Variants in RAB33A observed in about 807,000 individuals in gnomAD.
RAB33A encodes the protein RAB33A, member RAS oncogene family, also known as ras-related protein Rab-33A.
In RAB33A, 6 loss-of-function variants were observed where a neutral mutation model predicts 12.0. The ratio of observed to expected loss-of-function variants is 0.50; its 90% CI spans 0.27 to 0.99. The LOEUF is 0.99. Ranked by LOEUF, RAB33A falls within the 50% of genes least tolerant of loss-of-function variation. The probability of loss-of-function intolerance (pLI) is 0.11; values close to 1 mark genes in which losing one functional copy is unlikely to be tolerated. For missense variants in RAB33A, 109 were observed against 192.0 expected (o/e 0.57, Z 2.55); for synonymous variants, 70 against 82.4 (o/e 0.85, Z 0.81).
the RAB33A span, among the ~76,000 whole-genome samples, chrX:130,111,799 T>C: frequency 7.1e-5 from 8 of 112,325 alleles, no homozygotes; most frequent in African/African-American, 1.9e-4. Context: ...GCTCCCCTTC[T>C]ATCTCCCCTT....
chrX:130,133,467 A>G, the RAB33A span: 1 of 1,210,563 alleles, frequency 8.3e-7, no homozygotes, highest in Middle Eastern at 2.3e-4. Flanking sequence ...TGTGGAAACA[A>G]ATACATAACA....
At chrX:130,113,427 ATTT>A in the RAB33A span, among the ~76,000 whole-genome samples, 4 of 54,632 alleles carry the variant, frequency 7.3e-5, no homozygotes, top group East Asian at 2.8e-3. Context: ...TTTAGTTTAG[ATTT>A]TTTTTTTTTT....
chrX:130,166,515 T>TA, the RAB33A span, among the ~76,000 whole-genome samples: 24 of 112,202 alleles, frequency 2.1e-4, no homozygotes, highest in African/African-American at 7.1e-4. Flanking sequence ...AACTTTCAGT[T>TA]ATGGGAGTAG....
chrX:130,129,647 C>T, the RAB33A span: 2 of 1,188,723 alleles, frequency 1.7e-6, no homozygotes, highest in African/African-American at 3.5e-5. Flanking sequence ...GAGAGAGTAA[C>T]AATAGGTCCC....
At chrX:130,151,618 G>A in the RAB33A span, among the ~76,000 whole-genome samples, 3 of 112,096 alleles carry the variant, frequency 2.7e-5, no homozygotes, top group African/African-American at 9.7e-5. Context: ...GTTACTCCTT[G>A]AATTTACTAC....
the RAB33A span, among the ~76,000 whole-genome samples, chrX:130,135,428 CTT>C: frequency 3.2e-3 from 177 of 54,681 alleles, no homozygotes; most frequent in African/African-American, 9.4e-3. Context: ...TCCAGTACAT[CTT>C]TTTTTTTTTA....
the RAB33A span, among the ~76,000 whole-genome samples, chrX:130,119,280 A>T: frequency 1.8e-5 from 2 of 111,342 alleles, no homozygotes; most frequent in East Asian, 5.7e-4. Context: ...CTGCAGCCTT[A>T]ACTTGGGGTT....
chrX:130,162,215 T>G, the RAB33A span, among the ~76,000 whole-genome samples: 2 of 111,981 alleles, frequency 1.8e-5, no homozygotes, highest in Non-Finnish European at 3.8e-5. Flanking sequence ...ATTCTGAATA[T>G]GAGAAAATGA....
chrX:130,134,313 T>A, the RAB33A span, among the ~76,000 whole-genome samples: 1 of 111,611 alleles, frequency 9.0e-6, no homozygotes, highest in East Asian at 2.8e-4. Flanking sequence ...TTTACTTATG[T>A]CTACTTCCTG....
At chrX:130,182,157 AAT>A (rs1300343120) in intron 1 of RAB33A, among the ~76,000 whole-genome samples, 450 of 44,586 alleles carry the variant, frequency 0.01, 3 homozygotes, top group South Asian at 0.015. Flanking sequence ...AAAAAAAAAA[AAT>A]ATATATATAT....
the RAB33A span, among the ~76,000 whole-genome samples, chrX:130,157,431 T>C: frequency 8.9e-6 from 1 of 112,037 alleles, no homozygotes; most frequent in Admixed American, 9.5e-5. Context: ...CTCGTGTTTG[T>C]TGACTATCAA....
chrX:130,143,887 A>T, the RAB33A span, among the ~76,000 whole-genome samples: 1 of 111,206 alleles, frequency 9.0e-6, no homozygotes, highest in African/African-American at 3.3e-5. Flanking sequence ...GATGTTATTA[A>T]TAGCTTAGGC....
the RAB33A span, among the ~76,000 whole-genome samples, chrX:130,135,439 T>TTTAAAA: frequency 8.2e-5 from 6 of 72,941 alleles, no homozygotes; most frequent in African/African-American, 3.0e-4. Context: ...TTTTTTTTTT[T>TTTAAAA]AAAAAAAAAA....
intron 1 of RAB33A, among the ~76,000 whole-genome samples, chrX:130,180,533 C>T (rs1156565202): frequency 9.0e-6 from 1 of 111,290 alleles, no homozygotes; most frequent in Admixed American, 9.5e-5. Flanking sequence ...CGGCTCACTG[C>T]AAGCTCCGTC....
Position 130,184,705 on chromosome X carries a change from C to A in RAB33A, c.679C>A (p.Gln227Lys), listed in dbSNP as rs1182665205. 8.3e-7 allele frequency: 1 copy of A among 1,211,376 alleles called. No homozygotes were observed. The highest frequency in any genetic ancestry group is 1.1e-6 in the Non-Finnish European group (1 of 895,004). The change falls in exon 2 of 2, where the codon CAG becomes AAG. Residue 227 changes from glutamine to lysine, a missense_variant. Gln to Lys is a moderately conservative substitution (Grantham distance 53). Transcript: ENST00000257017. ...GAAGGTGCAGAAACTGGAGTTCCCA[C>A]AGGAAGCTAACAGTAAAACTTCCTG... is the stretch of plus-strand genomic sequence containing the variant. ...QGKVQKLEFP[Q>K]EANSKTSCPC is the part of the protein sequence containing the mutation.
the RAB33A span, chrX:130,156,317 C>T: frequency 1.5e-6 from 1 of 675,975 alleles, no homozygotes; most frequent in African/African-American, 2.1e-5. Context: ...TATTAGGCAG[C>T]AGGCACTTAA....
chrX:130,181,698 G>A (rs2031728110), intron 1 of RAB33A, among the ~76,000 whole-genome samples: 1 of 112,174 alleles, frequency 8.9e-6, no homozygotes, highest in African/African-American at 3.2e-5. Context: ...GCTCACGCCT[G>A]TAATCCCAGC....
chrX:130,133,564 T>A, the RAB33A span: 1 of 975,037 alleles, frequency 1.0e-6, no homozygotes, highest in Non-Finnish European at 1.4e-6. Context: ...GGTAACTAAT[T>A]CATGTTTTCC....
intron 1 of RAB33A, among the ~76,000 whole-genome samples, chrX:130,182,917 CTTTT>C (rs930746733): frequency 9.1e-6 from 1 of 109,732 alleles, no homozygotes; most frequent in Non-Finnish European, 1.9e-5. Flanking sequence ...TTTGTTTATT[CTTTT>C]TGAGACGGAG....
Sources: gnomAD v4.1 joint callset for allele counts (sites outside exome capture counted in the v4.1 genomes callset) on GRCh38, gnomAD v4.1.1 for gene constraint, MANE v1.5 for transcripts, NCBI Gene and HGNC (gene_info 2026-07-23, HGNC 2026-07-21) for gene names.